Variants in ZFHX3 observed in about 807,000 individuals in gnomAD.
ZFHX3 encodes the protein zinc finger homeobox protein 3.
In ZFHX3, 42 loss-of-function variants were observed where a neutral mutation model predicts 279.1. The observed-to-expected ratio is 0.15, with a 90% CI of 0.12 to 0.19. ZFHX3 has a LOEUF of 0.19. Ranked by LOEUF, ZFHX3 falls within the 10% of genes least tolerant of loss-of-function variation. The pLI is 1.00. For missense variants in ZFHX3, 4,981 were observed against 4,754.0 expected (o/e 1.05, Z -1.40); for synonymous variants, 2,293 against 1,957.8 (o/e 1.17, Z -4.52).
intron 7 of ZFHX3, among the ~76,000 whole-genome samples, chr16:73,126,449 C>T (rs994283541): frequency 2.6e-5 from 4 of 151,982 alleles, no homozygotes; most frequent in Non-Finnish European, 4.4e-5. Context: ...ATGTGTCAAG[C>T]GGGGACTGAA....
At position 72,969,156 on chromosome 16, in the gene ZFHX3, C is replaced by T. The variant is rs1320883690; in HGVS notation, c.-49-8962G>A. ...CCCCCCAAAACTATAAACGAAGAGT[C>T]AACCCACCCTGACATGCGTATCTTT... On this transcript the variant is annotated intron_variant, in intron 1 of 9. Coordinates refer to ENST00000268489, the MANE Select transcript of ZFHX3 (RefSeq NM_006885.4). 5.3e-5 allele frequency among the ~76,000 whole-genome samples: 8 copies of T among 152,082 alleles called. No individual in the cohort carries two copies. In the East Asian group the frequency reaches 1.4e-3, roughly 26 times the overall value.
intron 1 of ZFHX3, among the ~76,000 whole-genome samples, chr16:73,740,721 G>GA (rs1199127850): frequency 2.0e-5 from 3 of 152,172 alleles, no homozygotes; most frequent in Non-Finnish European, 4.4e-5. Flanking sequence ...CAGAACCTGA[G>GA]ATGATACTCA....
intron 4 of ZFHX3, among the ~76,000 whole-genome samples, chr16:72,886,056 C>A (rs1433715548): frequency 6.6e-6 from 1 of 152,204 alleles, no homozygotes; most frequent in African/African-American, 2.4e-5. Context: ...TCCATAATGT[C>A]CGTTCTCTTG....
chr16:73,591,533 A>G (rs2051996381), intron 2 of ZFHX3, among the ~76,000 whole-genome samples: 1 of 151,350 alleles, frequency 6.6e-6, no homozygotes, highest in African/African-American at 2.4e-5. Flanking sequence ...TCTACTAAAA[A>G]TACAAAAAAA....
intron 4 of ZFHX3, among the ~76,000 whole-genome samples, chr16:72,854,339 A>C (rs2037695878): frequency 6.6e-6 from 1 of 152,196 alleles, no homozygotes; most frequent in African/African-American, 2.4e-5. Flanking sequence ...TCTATACCGA[A>C]AGAAATGGCG....
intron 7 of ZFHX3, chr16:73,125,314 C>A (rs546919770): frequency 1.3e-5 from 2 of 150,112 alleles, no homozygotes; most frequent in South Asian, 4.2e-4. Context: ...GACATGGAAC[C>A]TACTATGTGC....
At chr16:72,805,224 T>C (rs2036227981) in intron 7 of ZFHX3, among the ~76,000 whole-genome samples, 2 of 151,988 alleles carry the variant, frequency 1.3e-5, no homozygotes, top group African/African-American at 4.8e-5. Context: ...TTAAGTGATC[T>C]GCCCCCATCA....
At chr16:73,212,789 GC>G (rs2012065896) in intron 5 of ZFHX3, among the ~76,000 whole-genome samples, 2 of 152,174 alleles carry the variant, frequency 1.3e-5, no homozygotes, top group Admixed American at 6.5e-5. Flanking sequence ...TCTGCAGCCA[GC>G]CCAGCAGACT....
intron 4 of ZFHX3, among the ~76,000 whole-genome samples, chr16:73,289,825 T>A (rs1478353668): frequency 6.6e-6 from 1 of 150,846 alleles, no homozygotes; most frequent in Non-Finnish European, 1.5e-5. Flanking sequence ...CAGGAGGGAG[T>A]GTGAGAGAAA....
intron 2 of ZFHX3, among the ~76,000 whole-genome samples, chr16:73,519,902 AG>A (rs2019583973): frequency 6.6e-6 from 1 of 152,236 alleles, no homozygotes; most frequent in Non-Finnish European, 1.5e-5. Context: ...AAAAGTTTCT[AG>A]GAAATGAAGT....
At chr16:72,843,624 C>G (rs1025112614) in intron 4 of ZFHX3, among the ~76,000 whole-genome samples, 2 of 150,090 alleles carry the variant, frequency 1.3e-5, no homozygotes, top group Admixed American at 1.3e-4. Flanking sequence ...CTCGGGGTGA[C>G]GCTTACACAG....
chr16:73,395,170 A>G (rs2017101757), intron 3 of ZFHX3, among the ~76,000 whole-genome samples: 1 of 152,170 alleles, frequency 6.6e-6, no homozygotes, highest in South Asian at 2.1e-4. Context: ...CCCTCACAAA[A>G]AAGGATCATC....
At chr16:73,401,685 TA>T (rs1157093429) in intron 3 of ZFHX3, 1 of 152,204 alleles carries the variant, frequency 6.6e-6, no homozygotes, top group Non-Finnish European at 1.5e-5. Flanking sequence ...ATGTGCTTTA[TA>T]AAAACTGGAA....
At chr16:73,282,929 G>C (rs2014493867) in intron 4 of ZFHX3, among the ~76,000 whole-genome samples, 1 of 152,148 alleles carries the variant, frequency 6.6e-6, no homozygotes, top group Non-Finnish European at 1.5e-5. Flanking sequence ...CATCTATTAT[G>C]TGTCAGGCAC....
intron 2 of ZFHX3, among the ~76,000 whole-genome samples, chr16:73,598,301 T>A (rs2052073366): frequency 6.6e-6 from 1 of 152,208 alleles, no homozygotes; most frequent in African/African-American, 2.4e-5. Context: ...ATTCTTCTGG[T>A]TTAGCTAGGT....
chr16:73,486,861 A>T (rs985009592), intron 2 of ZFHX3: 3 of 455,956 alleles, frequency 6.6e-6, no homozygotes, highest in African/African-American at 6.0e-5. Flanking sequence ...CAGAACCTGG[A>T]GCAAGACCAC....
chr16:73,596,173 C>T (rs927672500), intron 2 of ZFHX3, among the ~76,000 whole-genome samples: 1 of 151,882 alleles, frequency 6.6e-6, no homozygotes, highest in African/African-American at 2.4e-5. Context: ...AGGCAAATGC[C>T]ACCACGCCCG....
At chr16:73,267,266 A>G (rs758914013) in intron 4 of ZFHX3, among the ~76,000 whole-genome samples, 15 of 151,960 alleles carry the variant, frequency 9.9e-5, no homozygotes, top group Non-Finnish European at 1.6e-4. Context: ...TGGAATACAC[A>G]TTTCCTTTGT....
intron 3 of ZFHX3, among the ~76,000 whole-genome samples, chr16:73,426,413 G>A (rs1446642177): frequency 6.6e-6 from 1 of 152,190 alleles, no homozygotes; most frequent in Non-Finnish European, 1.5e-5. Flanking sequence ...AAATGGCCTG[G>A]GCTGGAGGGT....
Sources: gnomAD v4.1 joint callset for allele counts (sites outside exome capture counted in the v4.1 genomes callset) on GRCh38, gnomAD v4.1.1 for gene constraint, MANE v1.5 for transcripts, NCBI Gene and HGNC (gene_info 2026-07-23, HGNC 2026-07-21) for gene names.